ZNF569: variants seen among roughly 807,000 people sequenced by gnomAD.
ZNF569 encodes zinc finger protein 569.
Under a neutral mutation model 56.3 loss-of-function variants are expected in ZNF569, and 38 were observed. That is an observed-to-expected ratio of 0.68 (90% confidence interval 0.52 to 0.88). The LOEUF (loss-of-function observed/expected upper bound fraction) is 0.88, where lower values mean the gene tolerates loss of function less well. ZNF569 is among the 40% of genes least tolerant of loss of function. The probability of loss-of-function intolerance (pLI) is 0.00; values close to 1 mark genes in which losing one functional copy is unlikely to be tolerated. For synonymous variants in ZNF569, 241 were observed against 262.9 expected (o/e 0.92, Z 0.81); for missense variants, 666 against 809.2 (o/e 0.82, Z 2.15).
chr19:37,430,842 C>A (rs1044241003), intron 3 of ZNF569, among the ~76,000 whole-genome samples: 3 of 152,212 alleles, frequency 2.0e-5, no homozygotes, highest in Non-Finnish European at 4.4e-5. Flanking sequence ...TATTCTCCGG[C>A]AGTGGCCATA....
intron 2 of ZNF569, among the ~76,000 whole-genome samples, chr19:37,450,718 T>G (rs112535955): frequency 5.9e-5 from 9 of 152,292 alleles, no homozygotes; most frequent in African/African-American, 2.2e-4. Flanking sequence ...GTAAAGTTAG[T>G]TGTTTATTTG....
At chr19:37,420,135 C>T (rs775839384) in intron 5 of ZNF569, among the ~76,000 whole-genome samples, 12 of 151,620 alleles carry the variant, frequency 7.9e-5, no homozygotes, top group South Asian at 2.1e-4. Context: ...TACAGGTGTG[C>T]GCCACCACGC....
chr19:37,420,345 T>C (rs2041014342), intron 5 of ZNF569, among the ~76,000 whole-genome samples: 1 of 152,108 alleles, frequency 6.6e-6, no homozygotes. Flanking sequence ...TCACAAAAAG[T>C]TTCTCTGTGG....
rs1162160384 is a variant in ZNF569 at position 37,467,195 on chromosome 19, G to C, written c.-316C>G. On this transcript the variant is annotated 5_prime_UTR_variant, in exon 1 of 6. Coordinates refer to ENST00000316950, the MANE Select transcript of ZNF569 (RefSeq NM_152484.3). Reference sequence around the variant, plus strand: ...TGAGGCCGGCGCTGTCGGTGGCTGAGAGCGCCACAAGTCTCGGTCCGTTAC... The same window carrying C: ...TGAGGCCGGCGCTGTCGGTGGCTGACAGCGCCACAAGTCTCGGTCCGTTAC... The C allele has an allele frequency of 1.3e-5, 2 of 152,304 alleles. No individual in the cohort carries two copies. The highest frequency in any genetic ancestry group is 1.9e-4 in the East Asian group (1 of 5,198). The allele number at this position is 152,304 out of a possible 1,614,324, so 9.4% of individuals were successfully genotyped here.
Position 37,425,943 on chromosome 19 carries a change from C to T in ZNF569, c.163G>A (p.Asp55Asn). The part of the protein sequence containing the change: ...ITVGYPFTKP[D>N]VIFKLEQEEE... ...TCTTGCTCCAATTTGAAAATCACAT[C>T]AGGTTTGGTGAACGGATAGCCTGTC... is the stretch of plus-strand genomic sequence containing the variant. The change falls in exon 5 of 6, where the codon GAT (aspartate) becomes AAT (asparagine). Residue 55 changes from aspartate to asparagine, a missense_variant. Transcript: ENST00000316950. 1 of 1,613,954 alleles carries T rather than the reference C, an allele frequency of 6.2e-7. No individual in the cohort carries two copies. Among genetic ancestry groups the T allele is most frequent in the Non-Finnish European group, 8.5e-7 (1 of 1,179,948 alleles).
intron 3 of ZNF569, among the ~76,000 whole-genome samples, chr19:37,428,789 C>T (rs547682371): frequency 6.6e-6 from 1 of 151,898 alleles, no homozygotes; most frequent in East Asian, 1.9e-4. Flanking sequence ...ATTCTCCTGC[C>T]TCAGTCTCCC....
At chr19:37,454,837 C>T (rs2041648437) in intron 2 of ZNF569, 1 of 702,554 alleles carries the variant, frequency 1.4e-6, no homozygotes, top group Non-Finnish European at 2.6e-6. Flanking sequence ...TTCTTACTGG[C>T]TTATATGGTG....
chr19:37,448,390 T>C (rs1240543022), intron 2 of ZNF569, among the ~76,000 whole-genome samples: 1 of 152,112 alleles, frequency 6.6e-6, no homozygotes, highest in African/African-American at 2.4e-5. Context: ...ATTATCCTTT[T>C]CAAATCTGTG....
At chr19:37,449,036 T>C (rs1181467095) in intron 2 of ZNF569, among the ~76,000 whole-genome samples, 1 of 152,228 alleles carries the variant, frequency 6.6e-6, no homozygotes, top group Non-Finnish European at 1.5e-5. Flanking sequence ...ATTTCCATTT[T>C]CTTTCGAATT....
chr19:37,467,396 G>A lies in ZNF569; in HGVS notation c.-517C>T, dbSNP rs775064989. On this transcript the variant is annotated 5_prime_UTR_variant, in exon 1 of 6. Coordinates refer to ENST00000316950, the MANE Select transcript of ZNF569 (RefSeq NM_152484.3). Reference sequence around the variant, plus strand: ...CGCGAGCCCAGCTCTGAGAGATTGGGAGCGCAACTTGGTGCTGAGAAGAAT... The same window carrying A: ...CGCGAGCCCAGCTCTGAGAGATTGGAAGCGCAACTTGGTGCTGAGAAGAAT... 6.3e-6 allele frequency: 1 copy of A among 159,710 alleles called. No homozygotes were observed. The highest frequency in any genetic ancestry group is 1.4e-5 in the Non-Finnish European group (1 of 72,840). 9.9% of individuals were successfully genotyped at this position (159,710 alleles called of 1,614,324 possible).
Position 37,412,690 on chromosome 19 carries a change from A to T in ZNF569, c.1968T>A (p.His656Gln). The change falls in exon 6 of 6, where the codon CAT (histidine) becomes CAA (glutamine). Residue 656 changes from histidine (H) to glutamine (Q), a missense_variant. Physicochemically the swap from His to Gln is conservative, Grantham distance 24. Transcript: ENST00000316950. ...TACAGTGATAGGGCTTCTCACCTGT[A>T]TGTTTTCTCATATGAAGGGTAAGAG... Reference protein sequence around the residue: ...ISSLTLHMRKHTGEKPYHCIE... With the variant: ...ISSLTLHMRKQTGEKPYHCIE... 6.2e-7 allele frequency: 1 copy of T among 1,613,794 alleles called. No homozygotes were observed. Among genetic ancestry groups the T allele is most frequent in the Non-Finnish European group, 8.5e-7 (1 of 1,179,888 alleles).
At chr19:37,441,543 C>T (rs2041406512) in intron 3 of ZNF569, among the ~76,000 whole-genome samples, 1 of 151,988 alleles carries the variant, frequency 6.6e-6, no homozygotes, top group Non-Finnish European at 1.5e-5. Flanking sequence ...GCCTGTACTC[C>T]CAGCTACTTG....
chr19:37,433,884 G>A (rs771816425), intron 3 of ZNF569, among the ~76,000 whole-genome samples: 8 of 152,134 alleles, frequency 5.3e-5, no homozygotes, highest in Admixed American at 3.9e-4. Flanking sequence ...AAAAAAGGAC[G>A]TTAATGAACA....
intron 2 of ZNF569, among the ~76,000 whole-genome samples, chr19:37,464,777 T>C (rs187779058): frequency 6.6e-6 from 1 of 152,182 alleles, no homozygotes; most frequent in Non-Finnish European, 1.5e-5. Context: ...AGCTTCCTAA[T>C]TGGTCTCTGT....
chr19:37,443,443 G>T (rs1208537959), intron 3 of ZNF569, among the ~76,000 whole-genome samples: 1 of 152,202 alleles, frequency 6.6e-6, no homozygotes, highest in African/African-American at 2.4e-5. Flanking sequence ...TTCAGTATCT[G>T]AGAGTGTAGG....
chr19:37,459,936 T>A (rs905947013), intron 2 of ZNF569, among the ~76,000 whole-genome samples: 6 of 152,102 alleles, frequency 3.9e-5, no homozygotes, highest in African/African-American at 1.4e-4. Context: ...GACACTAAAA[T>A]TTTTTAAAAG....
At chr19:37,427,953 C>A in intron 3 of ZNF569, 1 of 246,766 alleles carries the variant, frequency 4.1e-6, no homozygotes, top group Middle Eastern at 5.1e-4. Context: ...GGGACTACCT[C>A]AGCTGCAGAC....
At chr19:37,421,743 CTTTTTTT>C (rs748058159) in intron 5 of ZNF569, among the ~76,000 whole-genome samples, 3 of 79,664 alleles carry the variant, frequency 3.8e-5, no homozygotes, top group African/African-American at 5.2e-5. Context: ...TGTAGTGGCA[CTTTTTTT>C]TTTTTTTTTT....
At chr19:37,453,418 C>T (rs1439279738) in intron 2 of ZNF569, among the ~76,000 whole-genome samples, 1 of 152,156 alleles carries the variant, frequency 6.6e-6, no homozygotes, top group Non-Finnish European at 1.5e-5. Context: ...TCTTCCTACA[C>T]CACCATCTTG....
Sources: allele counts gnomAD v4.1 joint callset (sites outside exome capture counted in the v4.1 genomes callset), GRCh38; gene constraint gnomAD v4.1.1; transcripts MANE v1.5; gene names NCBI Gene and HGNC (gene_info 2026-07-23, HGNC 2026-07-21).